Variants in PTPRD observed in about 807,000 individuals in gnomAD.
The protein encoded by PTPRD is protein tyrosine phosphatase receptor type D.
PTPRD carries 34 observed loss-of-function variants against 214.5 expected under a neutral mutation model. The ratio of observed to expected loss-of-function variants is 0.16; its 90% CI spans 0.12 to 0.21. The LOEUF is 0.21. Among genes scored for constraint, PTPRD ranks in the 10% least tolerant of loss-of-function variants. The probability of loss-of-function intolerance (pLI) is 1.00; values close to 1 mark genes in which losing one functional copy is unlikely to be tolerated. For missense variants in PTPRD, 2,545 were observed against 2,398.7 expected, an observed-to-expected ratio of 1.06 and a Z score of -1.27; for synonymous variants, 1,128 against 845.7, an observed-to-expected ratio of 1.33 and a Z score of -5.79.
At chr9:8,961,740 A>G (rs1449552258) in intron 11 of PTPRD, among the ~76,000 whole-genome samples, 2 of 152,052 alleles carry the variant, frequency 1.3e-5, no homozygotes, top group African/African-American at 4.8e-5. Flanking sequence ...CTGTTACTAT[A>G]ATTTTGTCGA....
chr9:10,607,345 TA>T (rs1225119820), intron 2 of PTPRD, among the ~76,000 whole-genome samples: 12 of 152,096 alleles, frequency 7.9e-5, no homozygotes, highest in African/African-American at 2.9e-4. Flanking sequence ...TGTTACATAC[TA>T]GTCTAAGTCA....
chr9:10,506,377 A>G (rs2045971224), intron 2 of PTPRD, among the ~76,000 whole-genome samples: 1 of 152,188 alleles, frequency 6.6e-6, no homozygotes, highest in Admixed American at 6.5e-5. Flanking sequence ...TAGCCAAAGT[A>G]GAGAACTTTG....
intron 7 of PTPRD, among the ~76,000 whole-genome samples, chr9:9,653,506 C>G (rs146918501): frequency 1.3e-5 from 2 of 151,182 alleles, no homozygotes; most frequent in African/African-American, 2.4e-5. Flanking sequence ...TGCACCTAAA[C>G]TTGTCCAGAA....
intron 5 of PTPRD, among the ~76,000 whole-genome samples, chr9:9,914,858 C>T (rs1431261152): frequency 6.6e-6 from 1 of 152,106 alleles, no homozygotes; most frequent in Admixed American, 6.6e-5. Flanking sequence ...ATGTCATGGG[C>T]CTGCAAAACA....
intron 2 of PTPRD, among the ~76,000 whole-genome samples, chr9:10,471,398 G>T (rs2099030320): frequency 6.6e-6 from 1 of 152,080 alleles, no homozygotes; most frequent in South Asian, 2.1e-4. Flanking sequence ...TTTTTAAATT[G>T]TTTGAAAGGT....
At chr9:8,726,544 C>G (rs1177139460) in intron 12 of PTPRD, among the ~76,000 whole-genome samples, 1 of 122,892 alleles carries the variant, frequency 8.1e-6, no homozygotes, top group African/African-American at 3.1e-5. Context: ...CCAGCCTGGC[C>G]AACATGGAGA....
Position 9,794,800 on chromosome 9 carries a change from C to G in PTPRD, c.-367-27949G>C, listed in dbSNP as rs191729377. On this transcript the variant is annotated intron_variant, in intron 5 of 45. Coordinates refer to ENST00000381196, the MANE Select transcript of PTPRD (RefSeq NM_002839.4). ...CTGAGTATCTCTCTAAAGGTCTTAT[C>G]TCTTCTGCTAAACTGCCAACCTGAC... Among the ~76,000 whole-genome samples, 526 of 152,310 alleles carry G rather than the reference C, an allele frequency of 3.5e-3. 2 individuals are homozygous for G. The highest frequency in any genetic ancestry group is 0.012 in the African/African-American group (511 of 41,570).
intron 2 of PTPRD, among the ~76,000 whole-genome samples, chr9:10,588,920 G>A (rs1319554758): frequency 2.0e-5 from 3 of 151,656 alleles, no homozygotes; most frequent in Non-Finnish European, 2.9e-5. Context: ...ATTTTACTTG[G>A]TCTATTTCTC....
At chr9:9,436,835 C>T (rs910090939) in intron 8 of PTPRD, among the ~76,000 whole-genome samples, 2 of 151,774 alleles carry the variant, frequency 1.3e-5, no homozygotes, top group African/African-American at 4.8e-5. Context: ...CTGGAGACTT[C>T]AGGCTGGTGT....
chr9:8,553,489 C>A (rs1593535342), intron 14 of PTPRD, among the ~76,000 whole-genome samples: 1 of 152,206 alleles, frequency 6.6e-6, no homozygotes, highest in East Asian at 1.9e-4. Context: ...TAAATCAATC[C>A]TTTATTTATC....
chr9:8,708,077 A>G (rs1325974747), intron 12 of PTPRD, among the ~76,000 whole-genome samples: 1 of 152,196 alleles, frequency 6.6e-6, no homozygotes, highest in African/African-American at 2.4e-5. Flanking sequence ...CTTCTAAGGC[A>G]CCTCTGAAAT....
At chr9:9,369,988 T>C (rs534201077) in intron 9 of PTPRD, among the ~76,000 whole-genome samples, 2 of 152,140 alleles carry the variant, frequency 1.3e-5, no homozygotes, top group East Asian at 1.9e-4. Flanking sequence ...TTTGGTACCA[T>C]TACCACGATG....
At chr9:9,195,709 T>C (rs536301829) in intron 9 of PTPRD, among the ~76,000 whole-genome samples, 5 of 128,408 alleles carry the variant, frequency 3.9e-5, no homozygotes, top group African/African-American at 1.5e-4. Flanking sequence ...ATCAACATTT[T>C]TAAATGCAAA....
At chr9:10,356,446 G>A (rs891943736) in intron 2 of PTPRD, among the ~76,000 whole-genome samples, 3 of 152,064 alleles carry the variant, frequency 2.0e-5, no homozygotes, top group Admixed American at 6.6e-5. Flanking sequence ...TTGTTCTGTA[G>A]GGTTGTATAC....
At position 8,314,799 on chromosome 9, in the gene PTPRD, C is replaced by A. The variant is rs1413108713; in HGVS notation, c.*3075G>T. The A allele has an allele frequency of 1.3e-5, 3 of 232,380 alleles. No individual in the cohort carries two copies. The South Asian group carries it at 5.4e-4, about 42-fold the overall frequency. 14.4% of individuals were successfully genotyped at this position (232,380 alleles called of 1,614,324 possible). A position where few individuals can be genotyped will look rare whatever the true frequency, so the allele number is the denominator to read the frequency against. On this transcript the variant is annotated 3_prime_UTR_variant, in exon 46 of 46. Transcript: ENST00000381196. Reference sequence around the variant, plus strand: ...AATGAATTTCCGAAGCAGTTTCTTACAGATGGGTTCAAGTAATATCATTAT... The same window carrying A: ...AATGAATTTCCGAAGCAGTTTCTTAAAGATGGGTTCAAGTAATATCATTAT...
At chr9:9,049,362 T>C (rs1380805614) in intron 10 of PTPRD, among the ~76,000 whole-genome samples, 1 of 152,172 alleles carries the variant, frequency 6.6e-6, no homozygotes, top group Non-Finnish European at 1.5e-5. Context: ...TTGCAAAAAG[T>C]GCAGTTTTGG....
At chr9:9,378,277 A>G (rs903082685) in intron 9 of PTPRD, among the ~76,000 whole-genome samples, 2 of 152,160 alleles carry the variant, frequency 1.3e-5, no homozygotes, top group African/African-American at 4.8e-5. Context: ...TTGATAATAC[A>G]GTATATATCT....
intron 11 of PTPRD, among the ~76,000 whole-genome samples, chr9:8,878,189 G>A (rs1242695992): frequency 6.6e-6 from 1 of 152,198 alleles, no homozygotes; most frequent in African/African-American, 2.4e-5. Context: ...CTGTGTCTTA[G>A]TGTTCCCAGG....
At chr9:9,402,883 G>A (rs1293460302) in intron 8 of PTPRD, among the ~76,000 whole-genome samples, 1 of 133,978 alleles carries the variant, frequency 7.5e-6, no homozygotes, top group Non-Finnish European at 1.5e-5. Flanking sequence ...GTTGCTCAGA[G>A]AAGCAATGAA....
Sources: gnomAD v4.1 joint callset for allele counts (sites outside exome capture counted in the v4.1 genomes callset) on GRCh38, gnomAD v4.1.1 for gene constraint, MANE v1.5 for transcripts, NCBI Gene and HGNC (gene_info 2026-07-23, HGNC 2026-07-21) for gene names.